NUAK1: variants seen among roughly 807,000 people sequenced by gnomAD.
NUAK1 encodes the protein NUAK family kinase 1, also known as NUAK family SNF1-like kinase 1.
NUAK1 carries 26 observed loss-of-function variants against 56.9 expected under a neutral mutation model. The ratio of observed to expected loss-of-function variants is 0.46; its 90% confidence interval spans 0.33 to 0.63. The LOEUF (loss-of-function observed/expected upper bound fraction) is 0.63, where lower values mean the gene tolerates loss of function less well. NUAK1 is among the 30% of genes least tolerant of loss of function. The pLI, the probability that NUAK1 is intolerant of heterozygous loss-of-function variation, is 0.02. For missense variants in NUAK1, 727 were observed against 876.1 expected (o/e 0.83, Z 2.15); for synonymous variants, 337 against 336.0 (o/e 1.00, Z -0.03).
intron 1 of NUAK1, among the ~76,000 whole-genome samples, chr12:106,128,543 G>A (rs2136483818): frequency 6.6e-6 from 1 of 152,300 alleles, no homozygotes; most frequent in South Asian, 2.1e-4. Context: ...GCTGAGCCCA[G>A]TTCATAGTGA....
At chr12:106,131,788 T>G (rs552050198) in intron 1 of NUAK1, among the ~76,000 whole-genome samples, 33 of 152,248 alleles carry the variant, frequency 2.2e-4, no homozygotes, top group African/African-American at 7.9e-4. Context: ...CAGTTAAAAG[T>G]TTACCGAAGA....
At chr12:106,089,538 T>C (rs1467132202) in intron 2 of NUAK1, among the ~76,000 whole-genome samples, 1 of 152,196 alleles carries the variant, frequency 6.6e-6, no homozygotes, top group East Asian at 1.9e-4. Context: ...ACGCCTGTAA[T>C]CCCAGCCCTT....
intron 4 of NUAK1, among the ~76,000 whole-genome samples, chr12:106,080,373 C>T (rs1322519488): frequency 2.0e-5 from 3 of 152,162 alleles, no homozygotes; most frequent in African/African-American, 7.2e-5. Flanking sequence ...TTACAGGAGC[C>T]TTCTATGGGA....
intron 5 of NUAK1, among the ~76,000 whole-genome samples, chr12:106,071,480 T>C (rs1336348296): frequency 6.6e-6 from 1 of 152,320 alleles, no homozygotes; most frequent in East Asian, 1.9e-4. Context: ...TCACCCGTCT[T>C]AGGCAGACAG....
chr12:106,087,948 C>T (rs1592852024), intron 2 of NUAK1, among the ~76,000 whole-genome samples: 2 of 152,232 alleles, frequency 1.3e-5, no homozygotes, highest in Non-Finnish European at 2.9e-5. Flanking sequence ...AGCCGGTTCC[C>T]GGCCACCAGG....
At chr12:106,099,196 A>C (rs558127940) in intron 2 of NUAK1, among the ~76,000 whole-genome samples, 1 of 152,362 alleles carries the variant, frequency 6.6e-6, no homozygotes, top group East Asian at 1.9e-4. Flanking sequence ...GTTTGGTTCA[A>C]GAAAGACACA....
chr12:106,074,060 T>C (rs1056511351), intron 4 of NUAK1, among the ~76,000 whole-genome samples: 17 of 151,912 alleles, frequency 1.1e-4, no homozygotes, highest in Admixed American at 5.9e-4. Flanking sequence ...TACATACATA[T>C]ACATATATAT....
chr12:106,076,551 G>A (rs1415818180), intron 4 of NUAK1, among the ~76,000 whole-genome samples: 2 of 152,162 alleles, frequency 1.3e-5, no homozygotes, highest in African/African-American at 2.4e-5. Flanking sequence ...TTCTCGAAAG[G>A]AGCCCCGGAA....
chr12:106,098,926 T>C (rs1592855008), intron 2 of NUAK1, among the ~76,000 whole-genome samples: 1 of 152,220 alleles, frequency 6.6e-6, no homozygotes, highest in African/African-American at 2.4e-5. Context: ...AGCTTTTTTT[T>C]CCATATTGTC....
intron 2 of NUAK1, among the ~76,000 whole-genome samples, chr12:106,104,851 C>T (rs182851870): frequency 1.1e-4 from 17 of 152,106 alleles, no homozygotes; most frequent in East Asian, 3.9e-4. Context: ...AGATGAAAAA[C>T]GAAAACTATC....
rs1290097922 is a variant in NUAK1 at position 106,138,672 on chromosome 12, C to G, written c.-19G>C. On this transcript the variant is annotated 5_prime_UTR_variant, in exon 1 of 7. Coordinates refer to ENST00000261402, the MANE Select transcript of NUAK1 (RefSeq NM_014840.3). The surrounding 1 kb of genome is among the most constrained non-coding windows in gnomAD (Gnocchi z 5.0). ...CTTCCATGTCCAAGCGCGGGGCGAG[C>G]CGGGCTACAGAGGGCAAGACCGGGC... 1.3e-6 allele frequency: 2 copies of G among 1,503,086 alleles called. No homozygotes were observed. The highest frequency in any genetic ancestry group is 4.4e-5 in the Admixed American group (2 of 44,998). 93.1% of individuals were successfully genotyped at this position (1,503,086 alleles called of 1,614,324 possible).
chr12:106,106,847 CT>C (rs2032807726), intron 1 of NUAK1, among the ~76,000 whole-genome samples: 2 of 152,032 alleles, frequency 1.3e-5, no homozygotes, highest in South Asian at 4.1e-4. Flanking sequence ...AACCCTGATG[CT>C]TTGAAAAAAG....
chr12:106,083,911 C>T lies in NUAK1; in HGVS notation c.532G>A (p.Asp178Asn). 6.2e-7 allele frequency: 1 copy of T among 1,614,086 alleles called. No homozygotes were observed. Among genetic ancestry groups the T allele is most frequent in the Non-Finnish European group, 8.5e-7 (1 of 1,179,990 alleles). ...AGCAGTATATTTTCCAGCTTCAAGT[C>T]CCGGTGGACCACACCGTTCTGAAAT... ...YCHKNGVVHR[D>N]LKLENILLDD... Residue 178 changes from aspartate (D) to asparagine (N), a missense_variant, in exon 4 of 7, where the codon GAC (aspartate) becomes AAC (asparagine). Physicochemically the swap from Asp to Asn is conservative, Grantham distance 23. Coordinates refer to ENST00000261402, the MANE Select transcript of NUAK1 (RefSeq NM_014840.3).
At chr12:106,105,433 G>A (rs924208432) in intron 2 of NUAK1, among the ~76,000 whole-genome samples, 1 of 152,110 alleles carries the variant, frequency 6.6e-6, no homozygotes, top group Non-Finnish European at 1.5e-5. Context: ...TTAAGTGTTT[G>A]GCAAAAGAAA....
chr12:106,066,666 A>T lies in NUAK1; in HGVS notation c.*136T>A. The stretch of plus-strand genomic sequence containing the variant: ...TTTAGGTGTTGGCTCAAGGCTGCAA[A>T]CTTGGCCAAGTGAGACAGTGCCAAT... On this transcript the variant is annotated 3_prime_UTR_variant, in exon 7 of 7. Transcript: ENST00000261402. The T allele has an allele frequency of 5.2e-6, 4 of 765,228 alleles. No individual in the cohort carries two copies. The highest frequency in any genetic ancestry group is 4.3e-6 in the Non-Finnish European group (2 of 463,590). The allele number at this position is 765,228 out of a possible 1,614,324, so 47.4% of individuals were successfully genotyped here. A position where few individuals can be genotyped will look rare whatever the true frequency, so the allele number is the denominator to read the frequency against.
chr12:106,132,096 C>T (rs916270017), intron 1 of NUAK1, among the ~76,000 whole-genome samples: 4 of 152,350 alleles, frequency 2.6e-5, no homozygotes, highest in East Asian at 1.9e-4. Flanking sequence ...CAAGAAGCCA[C>T]GGCCAGAAAC....
intron 1 of NUAK1, among the ~76,000 whole-genome samples, chr12:106,130,388 T>C (rs2033065447): frequency 6.6e-6 from 1 of 152,244 alleles, no homozygotes; most frequent in African/African-American, 2.4e-5. Context: ...TGGCAGGACT[T>C]GTAATATCCT....
intron 3 of NUAK1, 72 bp downstream of exon 3, chr12:106,086,662 T>C: frequency 1.3e-6 from 2 of 1,496,752 alleles, no homozygotes; most frequent in Non-Finnish European, 9.0e-7. Context: ...ATCACTTTTA[T>C]AATAGGAAAA....
intron 1 of NUAK1, among the ~76,000 whole-genome samples, chr12:106,124,826 G>A (rs1208917352): frequency 2.0e-5 from 3 of 151,734 alleles, no homozygotes; most frequent in Non-Finnish European, 4.4e-5. Flanking sequence ...CCTGTGCCCC[G>A]TCTCTACTAA....
Sources: gnomAD v4.1 joint callset for allele counts (sites outside exome capture counted in the v4.1 genomes callset) on GRCh38, gnomAD v4.1.1 for gene constraint, Gnocchi (gnomAD v3.1) non-coding constraint, MANE v1.5 for transcripts, NCBI Gene and HGNC (gene_info 2026-07-23, HGNC 2026-07-21) for gene names.